TMEM72: variants seen among roughly 807,000 people sequenced by gnomAD.
TMEM72 encodes kidney-specific secretory protein of 37 kDa.
Under a neutral mutation model 16.3 loss-of-function variants are expected in TMEM72, and 9 were observed. The observed-to-expected ratio is 0.55, with a 90% CI of 0.33 to 0.96. The LOEUF (loss-of-function observed/expected upper bound fraction) is 0.96. Ranked by LOEUF, TMEM72 falls within the 40% of genes least tolerant of loss-of-function variation. The probability of loss-of-function intolerance (pLI) is 0.03; values close to 1 mark genes in which losing one functional copy is unlikely to be tolerated. For synonymous variants in TMEM72, 160 were observed against 146.5 expected (o/e 1.09, Z -0.66); for missense variants, 324 against 337.8 (o/e 0.96, Z 0.32).
intron 1 of TMEM72, among the ~76,000 whole-genome samples, chr10:44,926,609 G>C (rs942761900): frequency 6.6e-6 from 1 of 152,128 alleles, no homozygotes; most frequent in African/African-American, 2.4e-5. Context: ...TGGGAGACTC[G>C]GTGTCCGCCT....
At position 44,911,525 on chromosome 10, in the gene TMEM72, G is replaced by A. The variant is rs764416482; in HGVS notation, c.13G>A (p.Val5Met). 1.3e-6 allele frequency: 2 copies of A among 1,551,190 alleles called. No homozygotes were observed. The highest frequency in any genetic ancestry group is 1.7e-6 in the Non-Finnish European group (2 of 1,147,170). The change falls in exon 1 of 5, where the codon GTG (valine) becomes ATG (methionine). Residue 5 changes from valine (V) to methionine (M), a missense_variant. Physicochemically the swap from Val to Met is conservative, Grantham distance 21. Coordinates refer to ENST00000389583, the MANE Select transcript of TMEM72 (RefSeq NM_001123376.3). MQLQ[V>M]FWTGLEYTCR... ...CACCCCTGGCACCATGCAGCTCCAGGTGTTCTGGACTGGGCTGGAATACAC... is the reference window on the plus strand; with the variant it reads ...CACCCCTGGCACCATGCAGCTCCAGATGTTCTGGACTGGGCTGGAATACAC...
rs370536677 is a variant in TMEM72 at position 44,924,266 on chromosome 10, G to A, written c.71-3655G>A. On this transcript the variant is annotated intron_variant, in intron 1 of 4. Transcript: ENST00000389583. ...CCTCCATCTGCACAGGTCTATTCCT[G>A]CTGCTTTCCTAGTCCACTCTACCTT... Among the ~76,000 whole-genome samples the A allele has an allele frequency of 9.0e-4, 137 of 152,270 alleles. 1 individual carries two copies. The highest frequency in any genetic ancestry group is 3.2e-3 in the African/African-American group (135 of 41,554).
intron 1 of TMEM72, among the ~76,000 whole-genome samples, chr10:44,927,216 G>C (rs901514771): frequency 2.0e-5 from 3 of 152,154 alleles, no homozygotes; most frequent in Non-Finnish European, 4.4e-5. Flanking sequence ...CCAAAGGTCC[G>C]TGCTGTGCTG....
At chr10:44,926,520 C>T (rs567765291) in intron 1 of TMEM72, among the ~76,000 whole-genome samples, 114 of 152,302 alleles carry the variant, frequency 7.5e-4, no homozygotes, top group Non-Finnish European at 1.5e-3. Flanking sequence ...TAGGCTGACA[C>T]TGCAGGGGGA....
At chr10:44,932,203 T>G in intron 3 of TMEM72, 134 bp downstream of exon 3, 1 of 1,092,192 alleles carries the variant, frequency 9.2e-7, no homozygotes, top group Non-Finnish European at 1.3e-6. Context: ...CCCACCGAGG[T>G]ACAATCAGCC....
At chr10:44,922,085 C>T (rs957199649) in intron 1 of TMEM72, among the ~76,000 whole-genome samples, 2 of 152,180 alleles carry the variant, frequency 1.3e-5, no homozygotes, top group African/African-American at 4.8e-5. Flanking sequence ...CTTCTGGGCC[C>T]ACTCTGCTCC....
At position 44,912,573 on chromosome 10, in the gene TMEM72, C is replaced by A. The variant is rs553372516; in HGVS notation, c.70+991C>A. Among the ~76,000 whole-genome samples the A allele has an allele frequency of 3.9e-5, 6 of 152,294 alleles. No individual in the cohort carries two copies. The East Asian group carries it at 1.2e-3, about 29-fold the overall frequency. ...GTTCCTGCCCCAGCCTAGTCACTTG[C>A]GTGATATATGACCTTGGGGAGCCCC... On this transcript the variant is annotated intron_variant, in intron 1 of 4. Coordinates refer to ENST00000389583, the MANE Select transcript of TMEM72 (RefSeq NM_001123376.3).
chr10:44,918,483 T>C (rs1490051921), intron 1 of TMEM72, among the ~76,000 whole-genome samples: 4 of 152,188 alleles, frequency 2.6e-5, no homozygotes, highest in Non-Finnish European at 5.9e-5. Flanking sequence ...ACTCATTCTA[T>C]AAAATTAGTA....
intron 1 of TMEM72, among the ~76,000 whole-genome samples, chr10:44,921,207 G>C (rs528537696): frequency 6.6e-6 from 1 of 152,354 alleles, no homozygotes; most frequent in South Asian, 2.1e-4. Context: ...ATCAAGGTGC[G>C]ATGCAAGGCA....
intron 1 of TMEM72, among the ~76,000 whole-genome samples, chr10:44,926,335 C>A (rs1176193967): frequency 6.6e-6 from 1 of 152,130 alleles, no homozygotes. Flanking sequence ...GTCTCTAGGC[C>A]CTCACTGTCC....
chr10:44,913,119 T>C (rs1839960982), intron 1 of TMEM72, among the ~76,000 whole-genome samples: 1 of 152,152 alleles, frequency 6.6e-6, no homozygotes, highest in African/African-American at 2.4e-5. Flanking sequence ...AGAACCACGT[T>C]GTCGTCTACA....
intron 2 of TMEM72, 124 bp from the exon 3 acceptor site, chr10:44,931,874 G>C: frequency 2.1e-6 from 2 of 944,008 alleles, no homozygotes; most frequent in Non-Finnish European, 3.2e-6. Flanking sequence ...ATGTTGTCTG[G>C]GGGAATCCAG....
rs923778993 is a variant in TMEM72 at position 44,911,664 on chromosome 10, A to G, written c.70+82A>G. 31 of 1,479,576 alleles carry G rather than the reference A, an allele frequency of 2.1e-5. No individual in the cohort carries two copies. The African/African-American group carries it at 3.5e-4, about 17-fold the overall frequency. The allele number at this position is 1,479,576 out of a possible 1,614,324, so 91.7% of individuals were successfully genotyped here. ...GCCTGAGGGGTGGGAGGTGGCCAGGAGACAGCAGGCACATCTGGCCACTTC... is the reference window on the plus strand; with the variant it reads ...GCCTGAGGGGTGGGAGGTGGCCAGGGGACAGCAGGCACATCTGGCCACTTC... On this transcript the variant is annotated intron_variant, in intron 1 of 4. Transcript: ENST00000389583.
intron 1 of TMEM72, among the ~76,000 whole-genome samples, chr10:44,924,041 T>C (rs1311514095): frequency 3.3e-5 from 5 of 152,152 alleles, no homozygotes; most frequent in African/African-American, 1.2e-4. Context: ...CCACCAAATA[T>C]CACTGAAGTC....
chr10:44,917,422 A>C (rs941217125), intron 1 of TMEM72, among the ~76,000 whole-genome samples: 1 of 152,154 alleles, frequency 6.6e-6, no homozygotes, highest in Admixed American at 6.5e-5. Context: ...GGAAGGAGGA[A>C]GGGGCTACAC....
At chr10:44,927,897 C>T (rs554084830) in intron 1 of TMEM72, 24 bp from the exon 2 acceptor site, 9 of 1,613,080 alleles carry the variant, frequency 5.6e-6, no homozygotes, top group African/African-American at 1.3e-5. Flanking sequence ...CAGGCCCACT[C>T]TTCCTTCTTC....
chr10:44,912,739 C>T (rs1839955702), intron 1 of TMEM72, among the ~76,000 whole-genome samples: 1 of 152,236 alleles, frequency 6.6e-6, no homozygotes, highest in African/African-American at 2.4e-5. Context: ...CCCCATGACA[C>T]ACTCCAGAGC....
Position 44,913,479 on chromosome 10 carries a change from A to C in TMEM72, c.70+1897A>C, listed in dbSNP as rs564367115. ...ACACACACACACACACACACACACA[A>C]ACCCGTGCGCGCGCACATAGGGCTC... On this transcript the variant is annotated intron_variant, in intron 1 of 4. Coordinates refer to ENST00000389583, the MANE Select transcript of TMEM72 (RefSeq NM_001123376.3). 2.3e-3 allele frequency among the ~76,000 whole-genome samples: 338 copies of C among 146,082 alleles called. 1 individual carries two copies. The highest frequency in any genetic ancestry group is 8.2e-3 in the African/African-American group (318 of 38,858).
intron 1 of TMEM72, among the ~76,000 whole-genome samples, chr10:44,912,521 C>T (rs1416093564): frequency 6.6e-6 from 1 of 152,228 alleles, no homozygotes; most frequent in East Asian, 1.9e-4. Context: ...TGGGAAAGTT[C>T]TCCTAGGTCA....
Sources: gnomAD v4.1 joint callset for allele counts (sites outside exome capture counted in the v4.1 genomes callset) on GRCh38, gnomAD v4.1.1 for gene constraint, MANE v1.5 for transcripts, NCBI Gene and HGNC (gene_info 2026-07-23, HGNC 2026-07-21) for gene names.